The following PTPRT variants were observed in gnomAD, a reference collection of about 807,000 sequenced individuals.
PTPRT encodes protein tyrosine phosphatase receptor type T.
Under a neutral mutation model 176.8 loss-of-function variants are expected in PTPRT, and 56 were observed. The ratio of observed to expected loss-of-function variants is 0.32; its 90% CI spans 0.26 to 0.40. The LOEUF (loss-of-function observed/expected upper bound fraction) is 0.40, where lower values mean the gene tolerates loss of function less well. Ranked by LOEUF, PTPRT falls within the 10% of genes least tolerant of loss-of-function variation. The pLI is 1.00. For missense variants in PTPRT, 1,540 were observed against 1,908.2 expected, an observed-to-expected ratio of 0.81 and a Z score of 3.60; for synonymous variants, 783 against 739.0, an observed-to-expected ratio of 1.06 and a Z score of -0.96.
At chr20:42,804,707 T>A (rs1171549434) in intron 2 of PTPRT, among the ~76,000 whole-genome samples, 1 of 152,222 alleles carries the variant, frequency 6.6e-6, no homozygotes, top group Non-Finnish European at 1.5e-5. Context: ...TGAGGGAGAA[T>A]CTGTTCCATG....
intron 1 of PTPRT, among the ~76,000 whole-genome samples, chr20:43,172,181 G>A (rs2015017776): frequency 6.6e-6 from 1 of 152,166 alleles, no homozygotes; most frequent in Non-Finnish European, 1.5e-5. Flanking sequence ...TGACACACAG[G>A]AGTTGAATTC....
chr20:42,500,837 T>C (rs1195303873), intron 7 of PTPRT, among the ~76,000 whole-genome samples: 1 of 152,230 alleles, frequency 6.6e-6, no homozygotes, highest in African/African-American at 2.4e-5. Context: ...TAGGCAGCTA[T>C]AATTTTTCTA....
the PTPRT span, among the ~76,000 whole-genome samples, chr20:42,056,591 G>A: frequency 1.3e-5 from 2 of 152,224 alleles, no homozygotes; most frequent in African/African-American, 4.8e-5. Flanking sequence ...CAAGAATGCT[G>A]TGCATCCCTG....
chr20:42,915,716 T>A (rs1033036791), intron 1 of PTPRT, among the ~76,000 whole-genome samples: 8 of 152,110 alleles, frequency 5.3e-5, no homozygotes, highest in African/African-American at 1.9e-4. Flanking sequence ...CTTAGCCTCC[T>A]GAGTAGCTGG....
intron 4 of PTPRT, among the ~76,000 whole-genome samples, chr20:42,773,631 G>A (rs1024283139): frequency 6.6e-6 from 1 of 152,160 alleles, no homozygotes; most frequent in Non-Finnish European, 1.5e-5. Flanking sequence ...CTTGACAAAT[G>A]CCATGCTGCT....
intron 7 of PTPRT, among the ~76,000 whole-genome samples, chr20:42,668,129 A>C (rs1007562108): frequency 6.6e-6 from 1 of 152,200 alleles, no homozygotes; most frequent in Non-Finnish European, 1.5e-5. Context: ...ACAGCTAAGT[A>C]GGTGGTGGGG....
chr20:42,315,293 T>G (rs1014471528), intron 12 of PTPRT, among the ~76,000 whole-genome samples: 2 of 150,642 alleles, frequency 1.3e-5, no homozygotes, highest in Non-Finnish European at 3.0e-5. Flanking sequence ...TATTAATCAC[T>G]AATCAACTAA....
chr20:42,288,019 A>G (rs2057259757), intron 12 of PTPRT, among the ~76,000 whole-genome samples: 2 of 152,000 alleles, frequency 1.3e-5, no homozygotes, highest in African/African-American at 4.8e-5. Context: ...TTTTTTTGTT[A>G]CAACATGCAA....
At chr20:42,072,752 T>C (rs73119815), downstream of PTPRT, 8,086 of 206,166 alleles carry the variant, frequency 0.039, 242 homozygotes, top group Middle Eastern at 0.053. Context: ...CCAGTACGAA[T>C]ATCTTAGGAA....
At chr20:42,306,405 AG>A (rs2057545282) in intron 12 of PTPRT, among the ~76,000 whole-genome samples, 1 of 152,272 alleles carries the variant, frequency 6.6e-6, no homozygotes, top group South Asian at 2.1e-4. Context: ...AAAGAGTTCT[AG>A]GCAGATAAAT....
rs192487498 is a variant in PTPRT, at chr20:42,261,910, G to A, written c.2177-13088C>T. 3.2e-4 allele frequency among the ~76,000 whole-genome samples: 48 copies of A among 152,220 alleles called. 2 individuals are homozygous for A. The highest frequency in any genetic ancestry group is 1.1e-3 in the African/African-American group (47 of 41,528). On this transcript the variant is annotated intron_variant, in intron 13 of 30. Transcript: ENST00000373187. ...CCAGATTATGCATCTGCAACATGCC[G>A]CTTGCAGCTAGCATCAGAGTGCCTG...
intron 8 of PTPRT, among the ~76,000 whole-genome samples, chr20:42,449,972 T>C (rs1249712298): frequency 6.6e-6 from 1 of 152,216 alleles, no homozygotes; most frequent in African/African-American, 2.4e-5. Flanking sequence ...TTTTTATTTT[T>C]AAAAAAATGT....
At chr20:42,046,295 C>T in the PTPRT span, among the ~76,000 whole-genome samples, 1 of 152,210 alleles carries the variant, frequency 6.6e-6, no homozygotes, top group Non-Finnish European at 1.5e-5. Flanking sequence ...TGAACCCACC[C>T]AATCTAAGAG....
At chr20:42,087,411 TTTTTA>T (rs1324127495) in intron 27 of PTPRT, among the ~76,000 whole-genome samples, 2 of 147,910 alleles carry the variant, frequency 1.4e-5, no homozygotes, top group Non-Finnish European at 3.0e-5. Flanking sequence ...ATTTTTTTTA[TTTTTA>T]TTTTGTGTTT....
At chr20:42,810,572 A>G (rs2077684420) in intron 2 of PTPRT, among the ~76,000 whole-genome samples, 4 of 152,228 alleles carry the variant, frequency 2.6e-5, no homozygotes, top group Admixed American at 1.3e-4. Context: ...TAAAAGCAGT[A>G]CGCAGTTCTG....
chr20:42,941,517 T>C (rs1486354119), intron 1 of PTPRT, among the ~76,000 whole-genome samples: 2 of 152,194 alleles, frequency 1.3e-5, no homozygotes, highest in African/African-American at 4.8e-5. Flanking sequence ...TCCTACTAAT[T>C]TTCCTGTTCA....
intron 2 of PTPRT, among the ~76,000 whole-genome samples, chr20:42,802,233 G>C (rs964016625): frequency 1.3e-5 from 2 of 152,174 alleles, no homozygotes; most frequent in Non-Finnish European, 2.9e-5. Context: ...TGGACTAGCT[G>C]GTCTCTAATT....
intron 15 of PTPRT, among the ~76,000 whole-genome samples, chr20:42,201,947 T>TTGTGTGTGTG (rs1189357177): frequency 1.4e-4 from 8 of 58,056 alleles, no homozygotes; most frequent in East Asian, 1.0e-3. Flanking sequence ...AAGAGAAAAG[T>TTGTGTGTGTG]TGCGTGTGTG....
chr20:42,820,266 A>C (rs1028254790), intron 2 of PTPRT, among the ~76,000 whole-genome samples: 1 of 152,196 alleles, frequency 6.6e-6, no homozygotes, highest in Non-Finnish European at 1.5e-5. Context: ...TAAGAAACTC[A>C]CTGAAAACCA....
Sources: allele counts gnomAD v4.1 joint callset (sites outside exome capture counted in the v4.1 genomes callset), GRCh38; gene constraint gnomAD v4.1.1; transcripts MANE v1.5; gene names NCBI Gene and HGNC (gene_info 2026-07-23, HGNC 2026-07-21).